The following RALGAPB variants were observed in gnomAD, a reference collection of about 807,000 sequenced individuals.
The protein encoded by RALGAPB is ral GTPase-activating protein subunit beta.
Under a neutral mutation model 161.1 loss-of-function variants are expected in RALGAPB, and 25 were observed. The observed-to-expected ratio is 0.16, with a 90% CI of 0.11 to 0.22. The LOEUF is 0.22. Ranked by LOEUF, RALGAPB falls within the 10% of genes least tolerant of loss-of-function variation. RALGAPB has a pLI of 1.00. For missense variants in RALGAPB, 1,391 were observed against 1,815.2 expected, an observed-to-expected ratio of 0.77 and a Z score of 4.25; for synonymous variants, 629 against 626.1, an observed-to-expected ratio of 1.00 and a Z score of -0.07.
At chr20:38,552,779 A>T (rs2087423850) in intron 21 of RALGAPB, among the ~76,000 whole-genome samples, 1 of 152,188 alleles carries the variant, frequency 6.6e-6, no homozygotes, top group African/African-American at 2.4e-5. Context: ...AGTGCAGCTG[A>T]GGTTAAGTAG....
At chr20:38,565,598 A>T in intron 25 of RALGAPB, 120 bp downstream of exon 25, 1 of 1,251,318 alleles carries the variant, frequency 8.0e-7, no homozygotes, top group Non-Finnish European at 1.1e-6. Flanking sequence ...CTTCTAAGGC[A>T]TTATAACAAT....
intron 9 of RALGAPB, among the ~76,000 whole-genome samples, chr20:38,521,230 A>G (rs1255449161): frequency 1.3e-5 from 2 of 152,122 alleles, no homozygotes; most frequent in Non-Finnish European, 2.9e-5. Flanking sequence ...ATACAAATGT[A>G]CTCTGCTGAT....
At chr20:38,510,322 A>G (rs957806554) in intron 6 of RALGAPB, among the ~76,000 whole-genome samples, 2 of 152,172 alleles carry the variant, frequency 1.3e-5, no homozygotes, top group African/African-American at 2.4e-5. Flanking sequence ...ATTTGTCTTT[A>G]GTTCACATAT....
At chr20:38,558,054 G>A (rs1229239523) in intron 22 of RALGAPB, among the ~76,000 whole-genome samples, 1 of 152,088 alleles carries the variant, frequency 6.6e-6, no homozygotes, top group Non-Finnish European at 1.5e-5. Context: ...GAGAAAACTG[G>A]ATCCAAAAAT....
rs72426341 is a variant in RALGAPB at position 38,577,700 on chromosome 20, C to CAG, written c.*2734_*2735insGA. ...TGGGCCTTTGAAAGGACTAATCAGA[C>CAG]ACACACACACACACACACACACACA... On this transcript the variant is annotated 3_prime_UTR_variant, in exon 30 of 30. Transcript: ENST00000262879. The CAG allele has an allele frequency of 7.7e-6, 1 of 130,264 alleles. No individual in the cohort carries two copies. Among genetic ancestry groups the CAG allele is most frequent in the East Asian group, 2.0e-4 (1 of 5,080 alleles). The allele number at this position is 130,264 out of a possible 1,614,324, so 8.1% of individuals were successfully genotyped here.
At chr20:38,567,574 A>C (rs1489327574) in intron 26 of RALGAPB, among the ~76,000 whole-genome samples, 2 of 152,176 alleles carry the variant, frequency 1.3e-5, no homozygotes, top group African/African-American at 4.8e-5. Flanking sequence ...TTAATCTTGC[A>C]ATGTTCATCT....
rs771253115 is a variant in RALGAPB, at chr20:38,525,972, G to C, written c.1980G>C (p.Leu660Phe). ...DKPITFLSLKLRLVNILIGAL... is the reference protein window; with the variant it reads ...DKPITFLSLKFRLVNILIGAL... ...CAATAACTTTTCTGTCCCTGAAGTTGAGACTTGTGAATATATTAATAGGTG... is the reference window on the plus strand; with the variant it reads ...CAATAACTTTTCTGTCCCTGAAGTTCAGACTTGTGAATATATTAATAGGTG... Residue 660 changes from leucine to phenylalanine, a missense_variant, in exon 13 of 30, where the codon TTG becomes TTC. Leu to Phe is a conservative substitution (Grantham distance 22). This residue lies in a region of RALGAPB where 946 missense variants were observed against 1,257.2 expected (regional missense o/e 0.75). Transcript: ENST00000262879. 9 of 1,613,790 alleles carry C rather than the reference G, an allele frequency of 5.6e-6. No individual in the cohort carries two copies. The highest frequency in any genetic ancestry group is 6.8e-6 in the Non-Finnish European group (8 of 1,179,846).
chr20:38,566,947 T>G (rs2088022469), intron 25 of RALGAPB, 149 bp from the exon 26 acceptor site: 1 of 1,386,804 alleles, frequency 7.2e-7, no homozygotes, highest in African/African-American at 1.5e-5. Flanking sequence ...TACTTGATCC[T>G]TTACAGAAAA....
intron 16 of RALGAPB, among the ~76,000 whole-genome samples, chr20:38,536,240 G>A (rs2086800448): frequency 6.6e-6 from 1 of 152,174 alleles, no homozygotes; most frequent in South Asian, 2.1e-4. Flanking sequence ...GTGACCTTTT[G>A]TGTCTGGTTT....
In RALGAPB at chr20:38,541,118, C is replaced by T. The variant is rs2086950951; in HGVS notation, c.2640C>T (p.Val880=). ...AGTCCAAGAACAATGAGCAAGAGGT[C>T]AAGTACAAAGGAGATAAGGAGCCAA... is the stretch of plus-strand genomic sequence containing the variant. ...GSKSKNNEQE[V]KYKGDKEPNP... The change falls in exon 18 of 30, where the codon GTC becomes GTT. Residue 880 remains valine, a synonymous_variant. Transcript: ENST00000262879. The T allele has an allele frequency of 2.5e-6, 4 of 1,613,938 alleles. No individual in the cohort carries two copies. The highest frequency in any genetic ancestry group is 3.4e-6 in the Non-Finnish European group (4 of 1,179,970).
At chr20:38,488,329 A>G in intron 1 of RALGAPB, 74 bp from the exon 2 acceptor site, 1 of 957,382 alleles carries the variant, frequency 1.0e-6, no homozygotes, top group Non-Finnish European at 1.6e-6. Context: ...CCAATAGTCT[A>G]TACATCTGTT....
intron 26 of RALGAPB, chr20:38,568,899 G>C (rs1751910353): frequency 6.6e-6 from 1 of 152,162 alleles, no homozygotes; most frequent in South Asian, 2.1e-4. Context: ...AAGTAGACCT[G>C]ACCTAATCAC....
intron 5 of RALGAPB, among the ~76,000 whole-genome samples, chr20:38,502,112 A>C (rs191146882): frequency 6.6e-6 from 1 of 152,360 alleles, no homozygotes; most frequent in Admixed American, 6.5e-5. Flanking sequence ...TAATTGCATA[A>C]AATTAACTCT....
At chr20:38,544,837 G>T (rs1328319613) in intron 18 of RALGAPB, among the ~76,000 whole-genome samples, 1 of 152,104 alleles carries the variant, frequency 6.6e-6, no homozygotes, top group East Asian at 1.9e-4. Flanking sequence ...TCATTAAAAT[G>T]TACTCGGACT....
In RALGAPB at chr20:38,522,465, A is replaced by G. The variant is rs185803823; in HGVS notation, c.1619+767A>G. ...TCTTTCTGATCTCTCTTTTCACTCTATCCCCACCATTATACTTTAGACTTT... is the reference window on the plus strand; with the variant it reads ...TCTTTCTGATCTCTCTTTTCACTCTGTCCCCACCATTATACTTTAGACTTT... On this transcript the variant is annotated intron_variant, in intron 10 of 29. Coordinates refer to ENST00000262879, the MANE Select transcript of RALGAPB (RefSeq NM_020336.4). 4.6e-5 allele frequency among the ~76,000 whole-genome samples: 7 copies of G among 152,164 alleles called. No homozygotes were observed. In the East Asian group the frequency reaches 9.6e-4, roughly 21 times the overall value.
chr20:38,507,835 A>G (rs957282385), intron 5 of RALGAPB, among the ~76,000 whole-genome samples: 2 of 151,572 alleles, frequency 1.3e-5, no homozygotes, highest in African/African-American at 4.9e-5. Context: ...TTTGATATTT[A>G]TGTTGTTCCC....
chr20:38,486,257 G>A (rs2085111659), intron 1 of RALGAPB, among the ~76,000 whole-genome samples: 1 of 152,120 alleles, frequency 6.6e-6, no homozygotes, highest in African/African-American at 2.4e-5. Flanking sequence ...ACAGGTATGA[G>A]TCACCACGCC....
rs200595696 is a variant in RALGAPB at position 38,492,892 on chromosome 20, C to T, written c.187-38C>T. 42 of 1,494,244 alleles carry T rather than the reference C, an allele frequency of 2.8e-5. No individual in the cohort carries two copies. In the East Asian group the frequency reaches 6.1e-4, roughly 22 times the overall value. The allele number at this position is 1,494,244 out of a possible 1,614,324, so 92.6% of individuals were successfully genotyped here. On this transcript the variant is annotated intron_variant, in intron 2 of 29. Coordinates refer to ENST00000262879, the MANE Select transcript of RALGAPB (RefSeq NM_020336.4). Reference sequence around the variant, plus strand: ...TTAAATCAGTCTACTGAGATAGGAACGTGTAATAATTCTATATGGATATTT... The same window carrying T: ...TTAAATCAGTCTACTGAGATAGGAATGTGTAATAATTCTATATGGATATTT...
chr20:38,524,734 T>C (rs1343247444), intron 10 of RALGAPB, 44 bp from the exon 11 acceptor site: 2 of 1,458,006 alleles, frequency 1.4e-6, no homozygotes, highest in Non-Finnish European at 1.9e-6. Context: ...TTATGAAAAC[T>C]TTTGATCAGC....
Sources: allele counts gnomAD v4.1 joint callset (sites outside exome capture counted in the v4.1 genomes callset), GRCh38; gene constraint gnomAD v4.1.1; regional missense constraint gnomAD v4.1.1; transcripts MANE v1.5; gene names NCBI Gene and HGNC (gene_info 2026-07-23, HGNC 2026-07-21).